Variants in USP48 observed in about 807,000 individuals in gnomAD.
USP48 encodes the protein ubiquitin carboxyl-terminal hydrolase 48.
In USP48, 43 loss-of-function variants were observed where a neutral mutation model predicts 150.7. That is an observed-to-expected ratio of 0.29 (90% confidence interval 0.22 to 0.37). The LOEUF (loss-of-function observed/expected upper bound fraction) is 0.37. USP48 is among the 10% of genes least tolerant of loss of function. The pLI is 1.00. For synonymous variants in USP48, 396 were observed against 425.9 expected (o/e 0.93, Z 0.86); for missense variants, 813 against 1,249.6 (o/e 0.65, Z 5.27).
intron 6 of USP48, among the ~76,000 whole-genome samples, chr1:21,748,896 C>T (rs1402790899): frequency 6.6e-6 from 1 of 151,874 alleles, no homozygotes; most frequent in Non-Finnish European, 1.5e-5. Context: ...GGAAACAAAG[C>T]GAGACTCTGT....
chr1:21,734,124 C>A (rs866017086), intron 9 of USP48, among the ~76,000 whole-genome samples: 1 of 152,192 alleles, frequency 6.6e-6, no homozygotes, highest in African/African-American at 2.4e-5. Flanking sequence ...ACAGGTTGGG[C>A]ACGGAAGCTC....
chr1:21,730,853 T>C (rs887472357), intron 9 of USP48, among the ~76,000 whole-genome samples: 1 of 150,788 alleles, frequency 6.6e-6, no homozygotes, highest in Non-Finnish European at 1.5e-5. Context: ...CTCTACCTCC[T>C]GGGTTCAAGC....
intron 1 of USP48, among the ~76,000 whole-genome samples, chr1:21,781,295 C>T (rs111927973): frequency 6.6e-6 from 1 of 151,650 alleles, no homozygotes; most frequent in African/African-American, 2.4e-5. Flanking sequence ...AAAAATTAGC[C>T]GGGCATGATG....
In USP48 at chr1:21,758,224, A is replaced by ACG. The variant is rs71016939; in HGVS notation, c.135-442_135-441insCG. ...CACACACACACACACACACACACAC[A>ACG]GCATGAAAAAGATATCTATGAACAG... On this transcript the variant is annotated intron_variant, in intron 1 of 26. Transcript: ENST00000308271. Among the ~76,000 whole-genome samples the ACG allele has an allele frequency of 2.0e-5, 3 of 150,730 alleles. No individual in the cohort carries two copies. The East Asian group carries it at 6.0e-4, about 30-fold the overall frequency.
chr1:21,690,687 C>T (rs1173752936), intron 23 of USP48, among the ~76,000 whole-genome samples: 1 of 151,676 alleles, frequency 6.6e-6, no homozygotes, highest in Admixed American at 6.6e-5. Context: ...CCATGTCTGG[C>T]GGATTTTTTA....
chr1:21,678,337 A>G lies in USP48; in HGVS notation c.*1080T>C, dbSNP rs2097557019. 6.6e-6 allele frequency: 1 copy of G among 152,134 alleles called. No individual in the cohort carries two copies. Among genetic ancestry groups the G allele is most frequent in the Non-Finnish European group, 1.5e-5 (1 of 68,016 alleles). The allele number at this position is 152,134 out of a possible 1,614,324, so 9.4% of individuals were successfully genotyped here. ...CTCCAGTCTTAAGTTCAATTAAAAAAACCCCTTCAATATTCTTAAGAATAT... is the reference window on the plus strand; with the variant it reads ...CTCCAGTCTTAAGTTCAATTAAAAAGACCCCTTCAATATTCTTAAGAATAT... On this transcript the variant is annotated 3_prime_UTR_variant, in exon 27 of 27. Coordinates refer to ENST00000308271, the MANE Select transcript of USP48 (RefSeq NM_032236.8).
At chr1:21,704,629 T>C (rs983071548) in intron 19 of USP48, 1 of 385,706 alleles carries the variant, frequency 2.6e-6, no homozygotes, top group African/African-American at 2.1e-5. Flanking sequence ...CTCAAAAACA[T>C]AATTGAGTAA....
At position 21,723,981 on chromosome 1, in the gene USP48, T is replaced by C. The variant is rs2097729240; in HGVS notation, c.1565A>G (p.Asp522Gly). ...CLCSHDKLHP[D>G]KISIMKRISE... ...TATCCTCTTCATAATTGATATTTTA[T>C]CCGGGTGAAGCTTGTCATGGGAACA... The change falls in exon 12 of 27, where the codon GAT becomes GGT. Residue 522 changes from aspartate to glycine, a missense_variant. Transcript: ENST00000308271. The C allele has an allele frequency of 1.2e-6, 2 of 1,614,054 alleles. No homozygotes were observed. The highest frequency in any genetic ancestry group is 1.7e-6 in the Non-Finnish European group (2 of 1,180,032).
intron 23 of USP48, 70 bp downstream of exon 23, chr1:21,694,996 C>A: frequency 6.8e-7 from 1 of 1,479,028 alleles, no homozygotes; most frequent in South Asian, 1.4e-5. Context: ...TATGTAAATA[C>A]AGGTGGAAAG....
At chr1:21,694,601 A>AAC (rs1557429284) in intron 23 of USP48, among the ~76,000 whole-genome samples, 3 of 69,970 alleles carry the variant, frequency 4.3e-5, no homozygotes, top group African/African-American at 1.4e-4. Context: ...AAAAAAAAAA[A>AAC]AAAAAACCCC....
At chr1:21,728,883 A>C (rs769623476) in intron 10 of USP48, among the ~76,000 whole-genome samples, 164 bp from the exon 11 acceptor site, 1 of 152,230 alleles carries the variant, frequency 6.6e-6, no homozygotes, top group Non-Finnish European at 1.5e-5. Flanking sequence ...CAGAAGTAAA[A>C]GTGAAGACAG....
chr1:21,768,332 C>T, intron 1 of USP48: 1 of 162,710 alleles, frequency 6.1e-6, no homozygotes, highest in South Asian at 1.7e-4. Context: ...TGCTATTTTC[C>T]AGGAGGATGC....
intron 22 of USP48, among the ~76,000 whole-genome samples, chr1:21,696,610 C>T (rs982098731): frequency 2.6e-5 from 4 of 152,102 alleles, no homozygotes; most frequent in Non-Finnish European, 4.4e-5. Context: ...AGGGAGTTTT[C>T]GTTAGTTTTC....
chr1:21,751,455 A>T (rs1412565582), intron 6 of USP48, 52 bp downstream of exon 6: 19 of 1,340,046 alleles, frequency 1.4e-5, no homozygotes, highest in Non-Finnish European at 1.9e-5. Flanking sequence ...CATTCAGAAC[A>T]GCATTTAACT....
intron 22 of USP48, among the ~76,000 whole-genome samples, chr1:21,696,424 G>A (rs1189714649): frequency 6.6e-6 from 1 of 152,178 alleles, no homozygotes; most frequent in East Asian, 1.9e-4. Flanking sequence ...GGCAACAAGA[G>A]CGAAACTCTG....
At chr1:21,744,113 C>T (rs1040840748) in intron 8 of USP48, among the ~76,000 whole-genome samples, 1 of 152,060 alleles carries the variant, frequency 6.6e-6, no homozygotes, top group African/African-American at 2.4e-5. Context: ...TTGCAGATAA[C>T]CTGGATTTAT....
intron 14 of USP48, among the ~76,000 whole-genome samples, chr1:21,720,595 T>C (rs956475543): frequency 3.3e-5 from 5 of 151,868 alleles, no homozygotes; most frequent in Non-Finnish European, 7.4e-5. Flanking sequence ...TGGCGCAATC[T>C]TGGGTCATGG....
chr1:21,737,635 T>G (rs773073679), intron 8 of USP48, among the ~76,000 whole-genome samples: 9 of 152,332 alleles, frequency 5.9e-5, no homozygotes, highest in Non-Finnish European at 1.3e-4. Context: ...ACATGTTCTG[T>G]TATTTACTGG....
intron 11 of USP48, among the ~76,000 whole-genome samples, chr1:21,725,623 C>A (rs2097734600): frequency 1.3e-5 from 2 of 150,360 alleles, no homozygotes; most frequent in African/African-American, 2.5e-5. Flanking sequence ...CATGGCGGCA[C>A]ACGACTGTAA....
Sources: allele counts gnomAD v4.1 joint callset (sites outside exome capture counted in the v4.1 genomes callset), GRCh38; gene constraint gnomAD v4.1.1; transcripts MANE v1.5; gene names NCBI Gene and HGNC (gene_info 2026-07-23, HGNC 2026-07-21).